The following PCSK6 variants were observed in gnomAD, a reference collection of about 807,000 sequenced individuals.
PCSK6 encodes the protein paired basic amino acid cleaving enzyme 4.
Under a neutral mutation model 123.3 loss-of-function variants are expected in PCSK6, and 85 were observed. The observed-to-expected ratio is 0.69, with a 90% confidence interval of 0.58 to 0.83. The LOEUF (loss-of-function observed/expected upper bound fraction) is 0.83, where lower values mean the gene tolerates loss of function less well. Ranked by LOEUF, PCSK6 falls within the 40% of genes least tolerant of loss-of-function variation. The probability of loss-of-function intolerance (pLI) is 0.00; values close to 1 mark genes in which losing one functional copy is unlikely to be tolerated. For synonymous variants in PCSK6, 508 were observed against 516.0 expected (o/e 0.98, Z 0.21); for missense variants, 1,191 against 1,282.3 (o/e 0.93, Z 1.09).
intron 13 of PCSK6, among the ~76,000 whole-genome samples, chr15:101,342,672 C>T (rs1433167228): frequency 2.0e-5 from 3 of 152,148 alleles, no homozygotes; most frequent in Non-Finnish European, 2.9e-5. Flanking sequence ...GAGGCTGAGG[C>T]GGGTGGATCA....
At chr15:101,373,066 C>G (rs980585461) in intron 11 of PCSK6, among the ~76,000 whole-genome samples, 3 of 151,420 alleles carry the variant, frequency 2.0e-5, no homozygotes, top group Admixed American at 1.3e-4. Context: ...GCCCCACCCA[C>G]AGAGCGAACA....
chr15:101,313,049 C>T lies in PCSK6; in HGVS notation c.2699+327G>A, dbSNP rs371537217. ...CCCAAAACATGGTTTCTCTGATTATCGACAGTGCAAAGGATGCATGCTGAG... is the reference window on the plus strand; with the variant it reads ...CCCAAAACATGGTTTCTCTGATTATTGACAGTGCAAAGGATGCATGCTGAG... On this transcript the variant is annotated intron_variant, in intron 20 of 21. Coordinates refer to ENST00000611716, the MANE Select transcript of PCSK6 (RefSeq NM_002570.5). 41 of 1,235,852 alleles carry T rather than the reference C, an allele frequency of 3.3e-5. No homozygotes were observed. In the African/African-American group the frequency reaches 3.9e-4, roughly 12 times the overall value. 76.6% of individuals were successfully genotyped at this position (1,235,852 alleles called of 1,614,324 possible).
At chr15:101,435,682 G>A (rs2056578641) in intron 2 of PCSK6, among the ~76,000 whole-genome samples, 1 of 152,208 alleles carries the variant, frequency 6.6e-6, no homozygotes, top group Non-Finnish European at 1.5e-5. Flanking sequence ...CAGGTGCGCA[G>A]CAACACTTTC....
At chr15:101,473,886 G>GTAAGTAAA (rs386384039) in intron 1 of PCSK6, among the ~76,000 whole-genome samples, 2 of 151,826 alleles carry the variant, frequency 1.3e-5, no homozygotes, top group African/African-American at 4.8e-5. Context: ...AAATAAATAA[G>GTAAGTAAA]TAAATAAATA....
rs553904253 is a variant in PCSK6, at chr15:101,391,195, C to T, written c.1210-1631G>A. ...GCATGGGAAAAGGGACAAAAATGCTCCCTCTCTGACTCCAGCATCTTCATA... is the reference window on the plus strand; with the variant it reads ...GCATGGGAAAAGGGACAAAAATGCTTCCTCTCTGACTCCAGCATCTTCATA... On this transcript the variant is annotated intron_variant, in intron 8 of 21. Coordinates refer to ENST00000611716, the MANE Select transcript of PCSK6 (RefSeq NM_002570.5). Among the ~76,000 whole-genome samples the T allele has an allele frequency of 3.3e-5, 5 of 152,298 alleles. No individual in the cohort carries two copies. The East Asian group carries it at 9.7e-4, about 29-fold the overall frequency.
chr15:101,446,618 T>C (rs943872598), intron 1 of PCSK6, among the ~76,000 whole-genome samples: 1 of 152,198 alleles, frequency 6.6e-6, no homozygotes, highest in African/African-American at 2.4e-5. Flanking sequence ...ACAGAGACCC[T>C]AGAGCCCACG....
chr15:101,445,811 G>C (rs910987792), intron 1 of PCSK6, among the ~76,000 whole-genome samples: 4 of 152,264 alleles, frequency 2.6e-5, no homozygotes, highest in African/African-American at 4.8e-5. Flanking sequence ...CTGGCAAAGA[G>C]ACTAATTGCA....
Position 101,353,373 on chromosome 15 carries a change from G to A in PCSK6, c.1858+12823C>T, listed in dbSNP as rs74041011. Among the ~76,000 whole-genome samples, 1,384 of 152,300 alleles carry A rather than the reference G, an allele frequency of 9.1e-3. 23 individuals are homozygous for A. The highest frequency in any genetic ancestry group is 0.031 in the African/African-American group (1,282 of 41,552). ...GAAGTGGGAGTGACAGGGAGCAGCT[G>A]TAAACACACATGAAGTGTTTGCTGG... On this transcript the variant is annotated intron_variant, in intron 13 of 21. Transcript: ENST00000611716.
At chr15:101,434,967 A>C (rs1327564113) in intron 2 of PCSK6, among the ~76,000 whole-genome samples, 1 of 152,230 alleles carries the variant, frequency 6.6e-6, no homozygotes, top group East Asian at 1.9e-4. Flanking sequence ...TCCTGGGGTC[A>C]CTTATTCTGT....
intron 18 of PCSK6, among the ~76,000 whole-genome samples, chr15:101,319,981 T>A (rs2040078749): frequency 6.6e-6 from 1 of 152,100 alleles, no homozygotes; most frequent in South Asian, 2.1e-4. Context: ...CAGGCTACCA[T>A]GTGGGACTCG....
intron 1 of PCSK6, among the ~76,000 whole-genome samples, chr15:101,479,513 C>T (rs1029416758): frequency 3.3e-5 from 5 of 152,120 alleles, no homozygotes; most frequent in Non-Finnish European, 2.9e-5. Context: ...GGCCCGGCCT[C>T]GGCTGTGGCC....
chr15:101,330,040 C>T (rs1006147210), intron 15 of PCSK6, among the ~76,000 whole-genome samples: 5 of 152,198 alleles, frequency 3.3e-5, no homozygotes, highest in East Asian at 3.9e-4. Context: ...CAGCACCCTG[C>T]GGAGTCCCTG....
chr15:101,357,098 A>G (rs950987064), intron 13 of PCSK6, among the ~76,000 whole-genome samples: 30 of 152,374 alleles, frequency 2.0e-4, no homozygotes, highest in South Asian at 4.1e-4. Flanking sequence ...AAAGCAATTA[A>G]CTTGCAGAGA....
chr15:101,341,941 C>T (rs2040618165), intron 13 of PCSK6, among the ~76,000 whole-genome samples: 2 of 151,966 alleles, frequency 1.3e-5, no homozygotes, highest in Admixed American at 1.3e-4. Flanking sequence ...ACCAGTCCGG[C>T]CAACATGGCG....
chr15:101,421,098 C>A (rs1010960019), intron 6 of PCSK6, among the ~76,000 whole-genome samples: 4 of 152,190 alleles, frequency 2.6e-5, no homozygotes, highest in Non-Finnish European at 5.9e-5. Context: ...AGGCCCCTAC[C>A]ACCACATCCA....
chr15:101,305,624 C>G lies in PCSK6; in HGVS notation c.2813-269G>C, dbSNP rs2039705779. The G allele has an allele frequency of 2.7e-6, 1 of 366,048 alleles. No individual in the cohort carries two copies. Among genetic ancestry groups the G allele is most frequent in the Non-Finnish European group, 5.1e-6 (1 of 196,796 alleles). 22.7% of individuals were successfully genotyped at this position (366,048 alleles called of 1,614,324 possible). A position where few individuals can be genotyped will look rare whatever the true frequency, so the allele number is the denominator to read the frequency against. ...TCGGGAGGCTAAAGCAGGAGAACCA[C>G]CTGAACCCAGGAGGCAGAGGTTGCA... is the stretch of plus-strand genomic sequence containing the variant. On this transcript the variant is annotated intron_variant, in intron 21 of 21. Transcript: ENST00000611716. This position sits in a 1 kb window ranked among gnomAD's most constrained non-coding sequence, Gnocchi z 4.8.
chr15:101,391,808 C>CTA (rs1555453514), intron 8 of PCSK6, among the ~76,000 whole-genome samples: 46 of 151,844 alleles, frequency 3.0e-4, no homozygotes, highest in African/African-American at 1.1e-3. Flanking sequence ...TAACACCCCT[C>CTA]CTGTCAGAGC....
chr15:101,347,468 A>T, intron 13 of PCSK6: 1 of 1,258,496 alleles, frequency 7.9e-7, no homozygotes, highest in Non-Finnish European at 1.0e-6. Context: ...CTTCCCCTTC[A>T]TTAAACATTT....
chr15:101,346,759 T>C (rs578033156), intron 13 of PCSK6: 21 of 1,230,116 alleles, frequency 1.7e-5, no homozygotes, highest in Non-Finnish European at 1.3e-5. Context: ...TAGTATTTTA[T>C]TTGCAAAAAT....
Sources: gnomAD v4.1 joint callset for allele counts (sites outside exome capture counted in the v4.1 genomes callset) on GRCh38, gnomAD v4.1.1 for gene constraint, Gnocchi (gnomAD v3.1) non-coding constraint, MANE v1.5 for transcripts, NCBI Gene and HGNC (gene_info 2026-07-23, HGNC 2026-07-21) for gene names.